LETM1: variants seen among roughly 807,000 people sequenced by gnomAD.
LETM1 encodes the protein mitochondrial proton/calcium exchanger protein.
In LETM1, 50 loss-of-function variants were observed where a neutral mutation model predicts 74.5. The ratio of observed to expected loss-of-function variants is 0.67; its 90% CI spans 0.53 to 0.85. LETM1 has a LOEUF of 0.85. Ranked by LOEUF, LETM1 falls within the 40% of genes least tolerant of loss-of-function variation. The pLI, the probability that LETM1 is intolerant of heterozygous loss-of-function variation, is 0.00. For missense variants in LETM1, 824 were observed against 967.8 expected (o/e 0.85, Z 1.97); for synonymous variants, 446 against 407.1 (o/e 1.10, Z -1.15).
chr4:1,818,877 T>C (rs1408153859), intron 11 of LETM1, among the ~76,000 whole-genome samples: 1 of 151,282 alleles, frequency 6.6e-6, no homozygotes, highest in Non-Finnish European at 1.5e-5. Flanking sequence ...GGGCCAGGAG[T>C]TCGAGATGAG....
In LETM1 at chr4:1,815,523, A is replaced by T. The variant is rs1711542215; in HGVS notation, c.2070+141T>A. ...AATGAGAGCAGCGGCTTAAAGGAGC[A>T]GTCGCAGTGACAGACCCAAACCCCT... is the stretch of plus-strand genomic sequence containing the variant. On this transcript the variant is annotated intron_variant, in intron 13 of 13. Coordinates refer to ENST00000302787, the MANE Select transcript of LETM1 (RefSeq NM_012318.3). 5.4e-6 allele frequency: 4 copies of T among 741,464 alleles called. No individual in the cohort carries two copies. In the Admixed American group the frequency reaches 1.1e-4, roughly 21 times the overall value. The allele number at this position is 741,464 out of a possible 1,614,324, so 45.9% of individuals were successfully genotyped here.
chr4:1,822,751 G>C, intron 9 of LETM1: 1 of 399,346 alleles, frequency 2.5e-6, no homozygotes. Context: ...GCCCCTCTGA[G>C]ACGGCTAAGG....
chr4:1,829,159 GC>G (rs1712157707), intron 6 of LETM1, among the ~76,000 whole-genome samples: 13 of 139,042 alleles, frequency 9.3e-5, no homozygotes, highest in African/African-American at 3.4e-4. Context: ...GGCTGGCCGG[GC>G]AGGGGGGCTG....
At position 1,856,044 on chromosome 4, in the gene LETM1, G is replaced by A. The variant is rs1713232256; in HGVS notation, c.-94C>T. 1 of 771,946 alleles carries A rather than the reference G, an allele frequency of 1.3e-6. No homozygotes were observed. Among genetic ancestry groups the A allele is most frequent in the Non-Finnish European group, 1.7e-6 (1 of 580,496 alleles). The allele number at this position is 771,946 out of a possible 1,614,324, so 47.8% of individuals were successfully genotyped here. A position where few individuals can be genotyped will look rare whatever the true frequency, so the allele number is the denominator to read the frequency against. On this transcript the variant is annotated 5_prime_UTR_variant, in exon 1 of 14. Transcript: ENST00000302787. ...GCCGTCCCGGCGGCGCTTCAGACCC[G>A]GCCCGCGCGGACGGCTGACAGAGGC...
At chr4:1,815,330 A>G (rs1429956360) in intron 13 of LETM1, among the ~76,000 whole-genome samples, 1 of 152,104 alleles carries the variant, frequency 6.6e-6, no homozygotes, top group Non-Finnish European at 1.5e-5. Context: ...CTCCCTGTGC[A>G]GTCGCCCCTC....
rs1486096108 is a variant in LETM1, at chr4:1,856,091, G to A, written c.-141C>T. The A allele has an allele frequency of 1.2e-5, 5 of 426,396 alleles. No homozygotes were observed. Among genetic ancestry groups the A allele is most frequent in the Non-Finnish European group, 1.9e-5 (5 of 267,118 alleles). The allele number at this position is 426,396 out of a possible 1,614,324, so 26.4% of individuals were successfully genotyped here. On this transcript the variant is annotated 5_prime_UTR_variant, in exon 1 of 14. Coordinates refer to ENST00000302787, the MANE Select transcript of LETM1 (RefSeq NM_012318.3). ...AGGCGGCTGGCCTCGGACGGGAGGC[G>A]CTCTCCTCAAGGACCCGGCACCAGC...
rs1309925004 is a variant in LETM1, at chr4:1,813,735, ACT to A, written c.*687_*688del. ...GAATCCACTGCAGCCCCCGTGGGAA[ACT>A]CTGTGCCAATTGACTGCTTAAAGAA... On this transcript the variant is annotated 3_prime_UTR_variant, in exon 14 of 14. Transcript: ENST00000302787. 2.0e-5 allele frequency: 3 copies of A among 152,724 alleles called. No individual in the cohort carries two copies. The highest frequency in any genetic ancestry group is 4.8e-5 in the African/African-American group (2 of 41,428). 9.5% of individuals were successfully genotyped at this position (152,724 alleles called of 1,614,324 possible).
rs534288485 is a variant in LETM1 at position 1,813,287 on chromosome 4, G to A, written c.*1137C>T. 5.9e-5 allele frequency: 9 copies of A among 152,364 alleles called. No homozygotes were observed. Among genetic ancestry groups the A allele is most frequent in the Non-Finnish European group, 1.3e-4 (9 of 68,046 alleles). 9.4% of individuals were successfully genotyped at this position (152,364 alleles called of 1,614,324 possible). On this transcript the variant is annotated 3_prime_UTR_variant, in exon 14 of 14. Transcript: ENST00000302787. ...TCCTGTCTTCCAAATCCTATGCTTG[G>A]AGGCCCCTGGAGGTACATTTTTGCC...
chr4:1,831,107 C>T (rs1712253357), intron 6 of LETM1, among the ~76,000 whole-genome samples: 1 of 152,214 alleles, frequency 6.6e-6, no homozygotes. Context: ...AGGAAGGCAG[C>T]CATCGTCCCC....
At chr4:1,823,187 G>T in intron 8 of LETM1, 56 bp from the exon 9 acceptor site, 1 of 1,523,836 alleles carries the variant, frequency 6.6e-7, no homozygotes. Context: ...GGCCCCTGCT[G>T]CCCCTCACCT....
Position 1,841,332 on chromosome 4 carries a change from A to G in LETM1, c.594+15T>C, listed in dbSNP as rs750607616. ...AGCAAGAAAGAAAAGAAAGGACTAG[A>G]CATGTCCCCATTACCTGCCTGCGCT... On this transcript the variant is annotated intron_variant, in intron 3 of 13. Transcript: ENST00000302787. 4 of 1,607,918 alleles carry G rather than the reference A, an allele frequency of 2.5e-6. No individual in the cohort carries two copies. Among genetic ancestry groups the G allele is most frequent in the Non-Finnish European group, 3.4e-6 (4 of 1,175,478 alleles).
chr4:1,833,141 G>A (rs1002374150), intron 5 of LETM1, 194 bp from the exon 6 acceptor site: 11 of 580,496 alleles, frequency 1.9e-5, no homozygotes, highest in South Asian at 1.0e-4. Context: ...GTGTAATCTC[G>A]GTTCACTGCA....
chr4:1,856,108 G>C lies in LETM1; in HGVS notation c.-158C>G, dbSNP rs1713235010. On this transcript the variant is annotated 5_prime_UTR_variant, in exon 1 of 14. Transcript: ENST00000302787. ...CGGGAGGCGCTCTCCTCAAGGACCC[G>C]GCACCAGCGGCGGCCTTGTCCCGGC... 2 of 372,828 alleles carry C rather than the reference G, an allele frequency of 5.4e-6. No homozygotes were observed. The highest frequency in any genetic ancestry group is 2.8e-4 in the South Asian group (2 of 7,238). The allele number at this position is 372,828 out of a possible 1,614,324, so 23.1% of individuals were successfully genotyped here.
At chr4:1,830,238 TTCTG>T (rs1461851907) in intron 6 of LETM1, among the ~76,000 whole-genome samples, 2 of 152,268 alleles carry the variant, frequency 1.3e-5, no homozygotes, top group African/African-American at 2.4e-5. Flanking sequence ...TGTTTACTGG[TTCTG>T]TCTTTTATCT....
At chr4:1,854,976 T>C (rs569810457) in intron 1 of LETM1, among the ~76,000 whole-genome samples, 9 of 151,970 alleles carry the variant, frequency 5.9e-5, no homozygotes, top group African/African-American at 1.9e-4. Flanking sequence ...CAGTTGAGCC[T>C]TGGAGTTCAA....
intron 6 of LETM1, among the ~76,000 whole-genome samples, chr4:1,828,901 G>T (rs1288552528): frequency 9.2e-6 from 1 of 108,816 alleles, no homozygotes; most frequent in Non-Finnish European, 1.9e-5. Context: ...GCGGCTGGCC[G>T]GGCAGAGGGG....
At chr4:1,819,083 CAAAA>C (rs796708132) in intron 11 of LETM1, among the ~76,000 whole-genome samples, 2 of 65,736 alleles carry the variant, frequency 3.0e-5, no homozygotes, top group Admixed American at 1.7e-4. Flanking sequence ...GACCTTCTTA[CAAAA>C]AAAAAAAAAA....
At chr4:1,815,242 C>T (rs139742981) in intron 13 of LETM1, among the ~76,000 whole-genome samples, 42 of 152,326 alleles carry the variant, frequency 2.8e-4, no homozygotes, top group African/African-American at 9.1e-4. Context: ...TGGGGCGGTG[C>T]CCAAGCTGCC....
In LETM1 at chr4:1,814,482, T is replaced by G; in HGVS notation, c.2162A>C (p.Glu721Ala). The change falls in exon 14 of 14, where the codon GAG becomes GCG. Residue 721 changes from glutamate (E) to alanine (A), a missense_variant. Physicochemically the swap from Glu to Ala is moderately radical, Grantham distance 107. Transcript: ENST00000302787. ...CTTCTCTTTGGCCTTCTCCTTCTCC[T>G]CCACCTTCTCCTCTTTTTCCAGTGT... is the stretch of plus-strand genomic sequence containing the variant. ...VATLEKEEKV[E>A]EKEKAKEKAE... The G allele has an allele frequency of 6.2e-7, 1 of 1,614,062 alleles. No individual in the cohort carries two copies. The highest frequency in any genetic ancestry group is 1.1e-5 in the South Asian group (1 of 91,074).
Sources: gnomAD v4.1 joint callset for allele counts (sites outside exome capture counted in the v4.1 genomes callset) on GRCh38, gnomAD v4.1.1 for gene constraint, MANE v1.5 for transcripts, NCBI Gene and HGNC (gene_info 2026-07-23, HGNC 2026-07-21) for gene names.